DSCAM: variants seen among roughly 807,000 people sequenced by gnomAD.
The protein encoded by DSCAM is cell adhesion molecule DSCAM.
A neutral mutation model predicts 217.7 loss-of-function variants in DSCAM; 47 were observed. The ratio of observed to expected loss-of-function variants is 0.22; its 90% CI spans 0.17 to 0.28. The LOEUF is 0.28. DSCAM is among the 10% of genes least tolerant of loss of function. DSCAM has a pLI of 1.00. For synonymous variants in DSCAM, 1,056 were observed against 1,015.3 expected (o/e 1.04, Z -0.76); for missense variants, 2,080 against 2,618.3 (o/e 0.79, Z 4.49).
chr21:40,509,465 G>A (rs146838260), intron 3 of DSCAM, among the ~76,000 whole-genome samples: 100 of 152,316 alleles, frequency 6.6e-4, no homozygotes, highest in African/African-American at 2.3e-3. Context: ...GGGAGGAGGT[G>A]AGGGGATGAC....
At position 40,144,561 on chromosome 21, in the gene DSCAM, C is replaced by T; in HGVS notation, c.3189G>A (p.Val1063=). ...NLNKFTQYGL[V]VQACNRAGTG... The stretch of plus-strand genomic sequence containing the variant: ...TGCCGGCCCGGTTACAGGCCTGCAC[C>T]ACCAGGCCGTACTGAGTGAACTTAT... The change falls in exon 17 of 33, where the codon GTG becomes GTA. Residue 1063 remains valine (V), a synonymous_variant. Coordinates refer to ENST00000400454, the MANE Select transcript of DSCAM (RefSeq NM_001389.5). This position sits in a 1 kb window ranked among gnomAD's most constrained non-coding sequence, Gnocchi z 4.8. The T allele has an allele frequency of 2.5e-6, 4 of 1,614,176 alleles. No homozygotes were observed. Among genetic ancestry groups the T allele is most frequent in the Non-Finnish European group, 3.4e-6 (4 of 1,180,032 alleles).
Position 40,369,172 on chromosome 21 carries a change from G to C in DSCAM, c.582C>G (p.Asn194Lys). ...ATCGATGCCGCGTGATGCAGCGGTA[G>C]TTATACAATCCATCTTCATTCTGTA... ...KDVQNEDGLY[N>K]YRCITRHRYT... The change falls in exon 4 of 33, where the codon AAC becomes AAG. Residue 194 changes from asparagine (N) to lysine (K), a missense_variant. Around this residue, in one of 5 missense-constraint regions of DSCAM, gnomAD observed 568 missense variants for 678.1 expected, o/e 0.84. Transcript: ENST00000400454. 1 of 1,613,620 alleles carries C rather than the reference G, an allele frequency of 6.2e-7. No individual in the cohort carries two copies. Among genetic ancestry groups the C allele is most frequent in the Non-Finnish European group, 8.5e-7 (1 of 1,179,768 alleles).
chr21:40,259,673 T>TTC, intron 11 of DSCAM, among the ~76,000 whole-genome samples: 1 of 103,886 alleles, frequency 9.6e-6, no homozygotes, highest in East Asian at 3.6e-4. Context: ...TTTTTTTTTT[T>TTC]TTTTTTTTTT....
intron 3 of DSCAM, among the ~76,000 whole-genome samples, chr21:40,634,609 T>C (rs761947088): frequency 2.0e-5 from 3 of 152,358 alleles, no homozygotes; most frequent in Non-Finnish European, 2.9e-5. Context: ...AGTATCTTAA[T>C]ACATCAAATA....
intron 3 of DSCAM, among the ~76,000 whole-genome samples, chr21:40,640,465 G>T (rs1014821964): frequency 6.6e-6 from 1 of 152,214 alleles, no homozygotes; most frequent in Admixed American, 6.5e-5. Flanking sequence ...GGAGGATGCA[G>T]CCATCTGTGT....
chr21:40,638,189 C>G (rs1420206270), intron 3 of DSCAM, among the ~76,000 whole-genome samples: 1 of 152,122 alleles, frequency 6.6e-6, no homozygotes, highest in Non-Finnish European at 1.5e-5. Context: ...CAGAAACAAT[C>G]AAGGGAGATT....
chr21:40,725,600 G>A (rs371103935), intron 1 of DSCAM, among the ~76,000 whole-genome samples: 5 of 152,204 alleles, frequency 3.3e-5, no homozygotes, highest in Admixed American at 6.5e-5. Flanking sequence ...CTTGTAAACC[G>A]TGTGCTCACA....
intron 3 of DSCAM, among the ~76,000 whole-genome samples, chr21:40,417,032 T>C (rs760469438): frequency 2.0e-5 from 3 of 152,140 alleles, no homozygotes; most frequent in Non-Finnish European, 4.4e-5. Flanking sequence ...ATTGGTCTGA[T>C]TTGGTTGAGG....
intron 1 of DSCAM, among the ~76,000 whole-genome samples, chr21:40,820,857 AT>A (rs1311522456): frequency 2.0e-5 from 3 of 152,022 alleles, no homozygotes; most frequent in Non-Finnish European, 4.4e-5. Context: ...TCATTAAGCA[AT>A]AACTTCTCTA....
chr21:40,436,954 C>A (rs1387845540), intron 3 of DSCAM, among the ~76,000 whole-genome samples: 2 of 152,008 alleles, frequency 1.3e-5, no homozygotes, highest in Non-Finnish European at 2.9e-5. Context: ...TACTGTTTTC[C>A]AAAAGGATTT....
At chr21:40,042,971 G>A (rs940141975) in intron 31 of DSCAM, among the ~76,000 whole-genome samples, 9 of 152,168 alleles carry the variant, frequency 5.9e-5, no homozygotes, top group African/African-American at 2.2e-4. Flanking sequence ...TGCTTTTAGT[G>A]AAAACAGTAG....
At chr21:40,514,551 G>A (rs998505413) in intron 3 of DSCAM, among the ~76,000 whole-genome samples, 2 of 152,176 alleles carry the variant, frequency 1.3e-5, no homozygotes, top group African/African-American at 4.8e-5. Context: ...ATAAATAGCA[G>A]ACAGACTATT....
chr21:40,049,745 C>A (rs2088898185), intron 30 of DSCAM, among the ~76,000 whole-genome samples: 1 of 152,204 alleles, frequency 6.6e-6, no homozygotes, highest in South Asian at 2.1e-4. Context: ...ACGTCCCTCC[C>A]ATGTGCGTCC....
intron 1 of DSCAM, among the ~76,000 whole-genome samples, chr21:40,737,601 A>G (rs2091078023): frequency 6.6e-6 from 1 of 152,182 alleles, no homozygotes; most frequent in African/African-American, 2.4e-5. Context: ...AGATTGCACC[A>G]CTTAACTCCA....
chr21:40,594,958 G>C (rs1016090613), intron 3 of DSCAM, among the ~76,000 whole-genome samples: 1 of 152,300 alleles, frequency 6.6e-6, no homozygotes, highest in East Asian at 1.9e-4. Flanking sequence ...ATTGGGTGAG[G>C]TGAGCAACCA....
At chr21:40,279,968 G>T (rs1234444281) in intron 10 of DSCAM, among the ~76,000 whole-genome samples, 1 of 151,926 alleles carries the variant, frequency 6.6e-6, no homozygotes, top group Non-Finnish European at 1.5e-5. Context: ...GTGAGGGGGT[G>T]GGGGCAAGGG....
intron 3 of DSCAM, among the ~76,000 whole-genome samples, chr21:40,664,115 C>T (rs1242771530): frequency 6.6e-6 from 1 of 152,154 alleles, no homozygotes; most frequent in African/African-American, 2.4e-5. Flanking sequence ...CTAAGTGTCT[C>T]CCCTCTCCTG....
chr21:40,831,760 A>C (rs1238172041), intron 1 of DSCAM, among the ~76,000 whole-genome samples: 1 of 152,216 alleles, frequency 6.6e-6, no homozygotes, highest in Non-Finnish European at 1.5e-5. Flanking sequence ...AAATAGTTGC[A>C]CCTCTGAAGT....
intron 3 of DSCAM, among the ~76,000 whole-genome samples, chr21:40,569,335 G>T (rs750036452): frequency 6.6e-6 from 1 of 152,156 alleles, no homozygotes; most frequent in Admixed American, 6.5e-5. Context: ...TCTAGGTGTT[G>T]CTATGAAGGT....
Sources: allele counts gnomAD v4.1 joint callset (sites outside exome capture counted in the v4.1 genomes callset), GRCh38; gene constraint gnomAD v4.1.1; regional missense constraint gnomAD v4.1.1; non-coding constraint Gnocchi (gnomAD v3.1); transcripts MANE v1.5; gene names NCBI Gene and HGNC (gene_info 2026-07-23, HGNC 2026-07-21).